The following ZNF619 variants were observed in gnomAD, a reference collection of about 807,000 sequenced individuals.
ZNF619 encodes zinc finger protein 619.
ZNF619 carries 9 observed loss-of-function variants against 14.2 expected under a neutral mutation model. The observed-to-expected ratio is 0.64, with a 90% CI of 0.38 to 1.11. The LOEUF is 1.11. Among genes scored for constraint, ZNF619 ranks in the 50% least tolerant of loss-of-function variants. The probability of loss-of-function intolerance (pLI) is 0.01; values close to 1 mark genes in which losing one functional copy is unlikely to be tolerated. For synonymous variants in ZNF619, 246 were observed against 252.8 expected (o/e 0.97, Z 0.26); for missense variants, 659 against 680.1 (o/e 0.97, Z 0.34).
intron 1 of ZNF619, among the ~76,000 whole-genome samples, chr3:40,477,603 G>A (rs763669569): frequency 6.6e-6 from 1 of 152,174 alleles, no homozygotes; most frequent in Non-Finnish European, 1.5e-5. Flanking sequence ...AACACTAGAA[G>A]CATTCAATAC....
chr3:40,478,119 A>T (rs967948485), intron 2 of ZNF619, 116 bp downstream of exon 2: 4 of 984,340 alleles, frequency 4.1e-6, no homozygotes, highest in Admixed American at 5.1e-5. Flanking sequence ...TCAATAAAGT[A>T]TGTAAAAACA....
intron 2 of ZNF619, among the ~76,000 whole-genome samples, chr3:40,479,198 G>A (rs1231893413): frequency 6.6e-6 from 1 of 152,060 alleles, no homozygotes; most frequent in Non-Finnish European, 1.5e-5. Flanking sequence ...GCTAGAAGAG[G>A]AGCTGCCCAA....
At chr3:40,482,317 C>G in intron 3 of ZNF619, 4 of 1,552,806 alleles carry the variant, frequency 2.6e-6, no homozygotes, top group Non-Finnish European at 1.7e-6. Flanking sequence ...TCTTCCAGTT[C>G]CCTGGAGCTG....
At chr3:40,479,492 T>C (rs1489098546) in intron 2 of ZNF619, among the ~76,000 whole-genome samples, 1 of 152,240 alleles carries the variant, frequency 6.6e-6, no homozygotes, top group East Asian at 1.9e-4. Context: ...CCAGGTGATA[T>C]CTTCGTGCGT....
rs1397317737 is a variant in ZNF619, at chr3:40,487,203, C to T, written c.693C>T (p.Pro231=). Residue 231 remains proline (P), a synonymous_variant, in exon 5 of 5, where the codon CCC becomes CCT. Transcript: ENST00000432264. ...AGAGAGTTCACACTAATGAGAAGCC[C>T]TACACATGCAAAGAATGTGGGAAAA... The part of the protein sequence containing the change: ...LHQRVHTNEK[P]YTCKECGKTF... The T allele has an allele frequency of 3.1e-6, 5 of 1,614,204 alleles. No individual in the cohort carries two copies. In the South Asian group the frequency reaches 5.5e-5, roughly 18 times the overall value.
intron 4 of ZNF619, 84 bp downstream of exon 4, chr3:40,482,788 T>C: frequency 9.8e-7 from 1 of 1,015,650 alleles, no homozygotes; most frequent in Non-Finnish European, 1.5e-6. Context: ...GGTTTTTCCT[T>C]GTCATATGAT....
chr3:40,486,871 T>A lies in ZNF619; in HGVS notation c.361T>A (p.Ser121Thr). 6.2e-7 allele frequency: 1 copy of A among 1,613,432 alleles called. No homozygotes were observed. Among genetic ancestry groups the A allele is most frequent in the Non-Finnish European group, 8.5e-7 (1 of 1,179,864 alleles). ...AQLNISKESE[S>T]HRLIVEGLLM... is the part of the protein sequence containing the mutation. ...GCTAAACATTTCTAAAGAATCAGAGTCCCACAGACTGATAGTGGAGGGACT... is the reference window on the plus strand; with the variant it reads ...GCTAAACATTTCTAAAGAATCAGAGACCCACAGACTGATAGTGGAGGGACT... The change falls in exon 5 of 5, where the codon TCC becomes ACC. Residue 121 changes from serine to threonine, a missense_variant. Transcript: ENST00000432264.
At chr3:40,483,706 G>A (rs370872009) in intron 4 of ZNF619, 47 of 441,144 alleles carry the variant, frequency 1.1e-4, no homozygotes, top group African/African-American at 5.9e-4. Context: ...TTCACTCACC[G>A]CAACCTCTGC....
intron 3 of ZNF619, 176 bp from the exon 4 acceptor site, chr3:40,482,412 T>A: frequency 6.3e-7 from 1 of 1,594,886 alleles, no homozygotes; most frequent in Non-Finnish European, 8.6e-7. Flanking sequence ...TCTGTCCTCT[T>A]AGAGGCCAGA....
intron 2 of ZNF619, among the ~76,000 whole-genome samples, chr3:40,479,084 G>C (rs1010384253): frequency 5.3e-5 from 8 of 152,068 alleles, no homozygotes; most frequent in Non-Finnish European, 1.2e-4. Context: ...ATGCTCTCAG[G>C]CTCTGTCTTT....
At chr3:40,481,341 A>G (rs888878255) in intron 2 of ZNF619, among the ~76,000 whole-genome samples, 12 of 152,228 alleles carry the variant, frequency 7.9e-5, no homozygotes, top group Non-Finnish European at 1.5e-4. Flanking sequence ...GAGACAAAGA[A>G]GTAACACTGC....
At chr3:40,483,848 G>A (rs965044546) in intron 4 of ZNF619, 5 of 327,026 alleles carry the variant, frequency 1.5e-5, no homozygotes, top group Non-Finnish European at 2.4e-5. Flanking sequence ...GGCTGGTCTC[G>A]AACTCCCAAC....
intron 2 of ZNF619, 133 bp downstream of exon 2, chr3:40,478,136 G>A (rs544236300): frequency 2.4e-6 from 2 of 825,646 alleles, no homozygotes; most frequent in East Asian, 5.6e-5. Flanking sequence ...AACAGTATGC[G>A]AGGGGAGTTG....
At position 40,489,450 on chromosome 3, in the gene ZNF619, GT is replaced by G. The variant is rs1207373994; in HGVS notation, c.*1211del. The G allele has an allele frequency of 6.6e-6, 1 of 152,576 alleles. No individual in the cohort carries two copies. Among genetic ancestry groups the G allele is most frequent in the Non-Finnish European group, 1.5e-5 (1 of 68,806 alleles). The allele number at this position is 152,576 out of a possible 1,614,324, so 9.5% of individuals were successfully genotyped here. On this transcript the variant is annotated 3_prime_UTR_variant, in exon 5 of 5. Transcript: ENST00000432264. ...TTTTGTAGAGACAGAGTTTTGCCAT[GT>G]TGCCCAGGCTGGTCTCAAAACTCCT...
chr3:40,486,984 G>A lies in ZNF619; in HGVS notation c.474G>A (p.Gly158=), dbSNP rs747166703. 1.9e-6 allele frequency: 3 copies of A among 1,614,122 alleles called. No homozygotes were observed. In the Admixed American group the frequency reaches 5.0e-5, roughly 27 times the overall value. ...ATACAGGGAATAAAACAAAGATAGGGGATTGCACAGATTTGACAGTCCAGG... is the reference window on the plus strand; with the variant it reads ...ATACAGGGAATAAAACAAAGATAGGAGATTGCACAGATTTGACAGTCCAGG... ...LHDTGNKTKI[G]DCTDLTVQDH... is the part of the protein sequence containing the mutation. Residue 158 remains glycine (G), a synonymous_variant, in exon 5 of 5, where the codon GGG becomes GGA. Transcript: ENST00000432264.
chr3:40,488,152 C>G lies in ZNF619; in HGVS notation c.1642C>G (p.Pro548Ala). 1 of 1,613,938 alleles carries G rather than the reference C, an allele frequency of 6.2e-7. No individual in the cohort carries two copies. The highest frequency in any genetic ancestry group is 8.5e-7 in the Non-Finnish European group (1 of 1,179,866). Reference protein sequence around the residue: ...LPSSEKANPSPVQIAHFFQDL... With the variant: ...LPSSEKANPSAVQIAHFFQDL... Reference sequence around the variant, plus strand: ...CTCATCTGAAAAGGCCAACCCTTCACCTGTCCAAATAGCACATTTTTTTCA... The same window carrying G: ...CTCATCTGAAAAGGCCAACCCTTCAGCTGTCCAAATAGCACATTTTTTTCA... Residue 548 changes from proline (P) to alanine (A), a missense_variant, in exon 5 of 5, where the codon CCT (proline) becomes GCT (alanine). Physicochemically the swap from Pro to Ala is conservative, Grantham distance 27 (BLOSUM62 -1). Coordinates refer to ENST00000432264, the MANE Select transcript of ZNF619 (RefSeq NM_001145093.4).
intron 4 of ZNF619, among the ~76,000 whole-genome samples, chr3:40,484,002 T>A (rs1310133543): frequency 6.8e-6 from 1 of 147,674 alleles, no homozygotes; most frequent in Non-Finnish European, 1.5e-5. Context: ...TTCGGCTCAC[T>A]GCAACCTCTG....
intron 4 of ZNF619, among the ~76,000 whole-genome samples, chr3:40,485,075 AC>A (rs1260555403): frequency 6.6e-6 from 1 of 152,092 alleles, no homozygotes; most frequent in African/African-American, 2.4e-5. Flanking sequence ...CTACTGGCAC[AC>A]ACCACCAAAC....
intron 4 of ZNF619, 95 bp from the exon 5 acceptor site, chr3:40,486,711 A>AT: frequency 8.8e-6 from 9 of 1,018,650 alleles, no homozygotes. Context: ...AAAAAAAAAA[A>AT]AAAATTCATG....
Sources: gnomAD v4.1 joint callset for allele counts (sites outside exome capture counted in the v4.1 genomes callset) on GRCh38, gnomAD v4.1.1 for gene constraint, MANE v1.5 for transcripts, NCBI Gene and HGNC (gene_info 2026-07-23, HGNC 2026-07-21) for gene names.